The following CBLB variants were observed in gnomAD, a reference collection of about 807,000 sequenced individuals.
The protein encoded by CBLB is E3 ubiquitin-protein ligase CBL-B.
CBLB carries 31 observed loss-of-function variants against 104.9 expected under a neutral mutation model. That is an observed-to-expected ratio of 0.30 (90% CI 0.22 to 0.40). The LOEUF (loss-of-function observed/expected upper bound fraction) is 0.40. Ranked by LOEUF, CBLB falls within the 10% of genes least tolerant of loss-of-function variation. The pLI is 1.00. For synonymous variants in CBLB, 440 were observed against 422.6 expected (o/e 1.04, Z -0.51); for missense variants, 1,062 against 1,214.6 (o/e 0.87, Z 1.87).
At chr3:105,780,344 A>T (rs1216620623) in intron 3 of CBLB, among the ~76,000 whole-genome samples, 1 of 152,080 alleles carries the variant, frequency 6.6e-6, no homozygotes, top group Non-Finnish European at 1.5e-5. Context: ...ATTTCCCATC[A>T]TTGTAAGACC....
intron 2 of CBLB, among the ~76,000 whole-genome samples, chr3:105,863,332 T>G (rs1055075022): frequency 1.3e-5 from 2 of 152,172 alleles, no homozygotes; most frequent in Non-Finnish European, 2.9e-5. Context: ...GTCCAGACAA[T>G]TTGTTATTAT....
intron 10 of CBLB, among the ~76,000 whole-genome samples, chr3:105,707,976 ACTAAATT>A: frequency 6.6e-6 from 1 of 152,078 alleles, no homozygotes; most frequent in East Asian, 1.9e-4. Context: ...ATTTTAAAAG[ACTAAATT>A]CTAGAGTAAC....
intron 10 of CBLB, among the ~76,000 whole-genome samples, chr3:105,711,362 AAT>A (rs924517122): frequency 6.6e-6 from 1 of 152,064 alleles, no homozygotes; most frequent in African/African-American, 2.4e-5. Flanking sequence ...CACATGATAA[AAT>A]AGTCTAAGCA....
intron 3 of CBLB, among the ~76,000 whole-genome samples, chr3:105,837,795 C>A (rs562967216): frequency 6.6e-6 from 1 of 152,238 alleles, no homozygotes; most frequent in South Asian, 2.1e-4. Flanking sequence ...ATCGCCAGTA[C>A]TCATTCCCAA....
intron 3 of CBLB, among the ~76,000 whole-genome samples, chr3:105,842,536 A>G (rs114207060): frequency 0.013 from 2,035 of 152,264 alleles, 50 homozygotes; most frequent in African/African-American, 0.045. Flanking sequence ...AAGTTTCAAT[A>G]TACCGCTACC....
At chr3:105,703,512 A>G (rs1047202059) in intron 11 of CBLB, among the ~76,000 whole-genome samples, 1 of 152,208 alleles carries the variant, frequency 6.6e-6, no homozygotes, top group African/African-American at 2.4e-5. Context: ...AATTCATTGT[A>G]ATTAATTTCT....
chr3:105,677,058 T>C (rs1396714713), intron 17 of CBLB, among the ~76,000 whole-genome samples: 1 of 152,074 alleles, frequency 6.6e-6, no homozygotes, highest in Non-Finnish European at 1.5e-5. Flanking sequence ...TTTATGGCAG[T>C]GTGAAAACGG....
At chr3:105,783,771 A>G (rs2080593082) in intron 3 of CBLB, among the ~76,000 whole-genome samples, 1 of 152,202 alleles carries the variant, frequency 6.6e-6, no homozygotes, top group Admixed American at 6.5e-5. Flanking sequence ...AAATGCAGCT[A>G]GTCCTGCAAC....
At chr3:105,847,005 T>C (rs1038363042) in intron 3 of CBLB, among the ~76,000 whole-genome samples, 4 of 152,104 alleles carry the variant, frequency 2.6e-5, no homozygotes, top group African/African-American at 9.7e-5. Flanking sequence ...AATGATGTCA[T>C]ACAGTAACAT....
chr3:105,831,785 A>G (rs1412822973), intron 3 of CBLB, among the ~76,000 whole-genome samples: 2 of 152,234 alleles, frequency 1.3e-5, no homozygotes, highest in African/African-American at 2.4e-5. Flanking sequence ...CTTTTCAGGA[A>G]GGCAAAGCAA....
At chr3:105,660,290 T>C (rs945441952) in intron 18 of CBLB, among the ~76,000 whole-genome samples, 1 of 152,058 alleles carries the variant, frequency 6.6e-6, no homozygotes, top group Non-Finnish European at 1.5e-5. Flanking sequence ...GTTCAAGCAA[T>C]TCTACTACCG....
intron 10 of CBLB, among the ~76,000 whole-genome samples, chr3:105,717,859 T>C (rs2152820463): frequency 6.6e-6 from 1 of 152,334 alleles, no homozygotes; most frequent in East Asian, 1.9e-4. Context: ...ACATTGGTAA[T>C]AATATAGTGA....
In CBLB at chr3:105,844,050, C is replaced by T. The variant is rs1577771247; in HGVS notation, c.419+9364G>A. Among the ~76,000 whole-genome samples, 3 of 152,208 alleles carry T rather than the reference C, an allele frequency of 2.0e-5. No homozygotes were observed. In the East Asian group the frequency reaches 5.8e-4, roughly 29 times the overall value. On this transcript the variant is annotated intron_variant, in intron 3 of 18. Coordinates refer to ENST00000394030, the MANE Select transcript of CBLB (RefSeq NM_170662.5). Reference sequence around the variant, plus strand: ...AAGGGTAGGCTCTGATCCAAAATCACTGGTGTTTTTGTAAGAGGGAAATTT... The same window carrying T: ...AAGGGTAGGCTCTGATCCAAAATCATTGGTGTTTTTGTAAGAGGGAAATTT...
rs186872510 is a variant in CBLB at position 105,681,594 on chromosome 3, T to A, written c.2313A>T (p.Ser771=). 7 of 1,614,182 alleles carry A rather than the reference T, an allele frequency of 4.3e-6. No individual in the cohort carries two copies. The African/African-American group carries it at 9.3e-5, about 22-fold the overall frequency. ...GTGGTAATGGCACGGGATCAGAGGC[T>A]GAATCAAAAACATCTCCTAGAGGAT... is the stretch of plus-strand genomic sequence containing the variant. The part of the protein sequence containing the change: ...SIYLKGDVFD[S]ASDPVPLPPA... The change falls in exon 16 of 19, where the codon TCA becomes TCT. Residue 771 remains serine (S), a synonymous_variant. Coordinates refer to ENST00000394030, the MANE Select transcript of CBLB (RefSeq NM_170662.5).
In CBLB at chr3:105,740,632, CT is replaced by C. The variant is rs747499322; in HGVS notation, c.846-2del. ...AGTGCAACTTAACCGGAAAATATAG[CT>C]GCAAAACATAAGAAAATTACATCTA... On this transcript the variant is annotated splice_acceptor_variant, in intron 6 of 18. Transcript: ENST00000394030. LOFTEE classifies it high-confidence loss of function. The C allele has an allele frequency of 6.2e-7, 1 of 1,612,868 alleles. No homozygotes were observed. Among genetic ancestry groups the C allele is most frequent in the Non-Finnish European group, 8.5e-7 (1 of 1,178,896 alleles).
At chr3:105,697,487 T>TA (rs2068530749) in intron 12 of CBLB, among the ~76,000 whole-genome samples, 1 of 152,034 alleles carries the variant, frequency 6.6e-6, no homozygotes, top group Admixed American at 6.6e-5. Flanking sequence ...TACCTTATCC[T>TA]ACACATGTAA....
chr3:105,754,493 AAGAG>A lies in CBLB; in HGVS notation c.567-2879_567-2876del, dbSNP rs1208848396. ...CAGAGACCTGGGAAGAAGAAAAGGGAAGAGAGAGAGAGAGAGAGAGAGAGAGAGA... is the reference window on the plus strand; with the variant it reads ...CAGAGACCTGGGAAGAAGAAAAGGGAAGAGAGAGAGAGAGAGAGAGAGAGA... On this transcript the variant is annotated intron_variant, in intron 4 of 18. Coordinates refer to ENST00000394030, the MANE Select transcript of CBLB (RefSeq NM_170662.5). 2.3e-3 allele frequency among the ~76,000 whole-genome samples: 151 copies of A among 64,328 alleles called. 2 individuals are homozygous for A. The highest frequency in any genetic ancestry group is 0.022 in the Middle Eastern group (2 of 92). The allele number at this position is 64,328 out of a possible 152,430, so 42.2% of individuals were successfully genotyped here. A position where few individuals can be genotyped will look rare whatever the true frequency, so the allele number is the denominator to read the frequency against.
At chr3:105,730,076 C>G (rs74331228) in intron 9 of CBLB, among the ~76,000 whole-genome samples, 1 of 151,624 alleles carries the variant, frequency 6.6e-6, no homozygotes, top group Non-Finnish European at 1.5e-5. Context: ...AATTATTGAC[C>G]TAAGAATAAT....
intron 10 of CBLB, among the ~76,000 whole-genome samples, chr3:105,714,586 C>T (rs2152813595): frequency 6.6e-6 from 1 of 152,230 alleles, no homozygotes; most frequent in South Asian, 2.1e-4. Context: ...GATGCCACTG[C>T]TGATGTGAGA....
Sources: gnomAD v4.1 joint callset for allele counts (sites outside exome capture counted in the v4.1 genomes callset) on GRCh38, gnomAD v4.1.1 for gene constraint, MANE v1.5 for transcripts, NCBI Gene and HGNC (gene_info 2026-07-23, HGNC 2026-07-21) for gene names.